ZFYVE26: variants seen among roughly 807,000 people sequenced by gnomAD.
ZFYVE26 encodes the protein zinc finger FYVE domain-containing protein 26.
ZFYVE26 carries 181 observed loss-of-function variants against 276.5 expected under a neutral mutation model. The ratio of observed to expected loss-of-function variants is 0.65; its 90% confidence interval spans 0.58 to 0.74. The LOEUF (loss-of-function observed/expected upper bound fraction) is 0.74, where lower values mean the gene tolerates loss of function less well. Among genes scored for constraint, ZFYVE26 ranks in the 30% least tolerant of loss-of-function variants. ZFYVE26 has a pLI of 0.00. For missense variants in ZFYVE26, 2,821 were observed against 3,097.9 expected, an observed-to-expected ratio of 0.91 and a Z score of 2.12; for synonymous variants, 1,129 against 1,203.1, an observed-to-expected ratio of 0.94 and a Z score of 1.27.
chr14:67,786,693 C>G (rs79862037), intron 16 of ZFYVE26, among the ~76,000 whole-genome samples: 6,945 of 152,306 alleles, frequency 0.046, 318 homozygotes, highest in African/African-American at 0.12. Context: ...ACAGTAGTCA[C>G]TAAATTAATT....
chr14:67,814,706 A>T (rs1176228631), intron 2 of ZFYVE26, among the ~76,000 whole-genome samples: 1 of 152,252 alleles, frequency 6.6e-6, no homozygotes, highest in African/African-American at 2.4e-5. Context: ...TGAATCAGAC[A>T]GTCTTAAAAA....
downstream of ZFYVE26, among the ~76,000 whole-genome samples, chr14:67,746,080 A>T (rs1028343166): frequency 2.6e-5 from 4 of 152,188 alleles, no homozygotes; most frequent in Non-Finnish European, 2.9e-5. Flanking sequence ...AGATGGCAAC[A>T]ACATAAAATG....
At chr14:67,797,471 G>A (rs2039977506) in intron 12 of ZFYVE26, 1 of 648,832 alleles carries the variant, frequency 1.5e-6, no homozygotes, top group South Asian at 1.7e-5. Flanking sequence ...ATATATAAAA[G>A]GATATACATG....
Position 67,807,761 on chromosome 14 carries a change from G to A in ZFYVE26, c.523C>T (p.Leu175=). ...CCAGTACCGTCATCCTCCTCAAGCA[G>A]GAGCTCCAGCAGGGCCTGTGCTGGC... is the stretch of plus-strand genomic sequence containing the variant. ...PQPAQALLEL[L]LEEDDGTGLC... Residue 175 remains leucine, a synonymous_variant, in exon 5 of 42, where the codon CTG becomes TTG. Transcript: ENST00000347230. 3 of 1,614,182 alleles carry A rather than the reference G, an allele frequency of 1.9e-6. No homozygotes were observed. Among genetic ancestry groups the A allele is most frequent in the Non-Finnish European group, 2.5e-6 (3 of 1,180,028 alleles).
In ZFYVE26 at chr14:67,780,157, T is replaced by A. The variant is rs2039458605; in HGVS notation, c.4674+84A>T. 4 of 1,228,792 alleles carry A rather than the reference T, an allele frequency of 3.3e-6. No individual in the cohort carries two copies. The Admixed American group carries it at 7.7e-5, about 24-fold the overall frequency. 76.1% of individuals were successfully genotyped at this position (1,228,792 alleles called of 1,614,324 possible). A position where few individuals can be genotyped will look rare whatever the true frequency, so the allele number is the denominator to read the frequency against. ...TTTTTTTAAAAAGTGAACATTGATA[T>A]GCAGAAAGGGGCTTATACAGCCAGC... On this transcript the variant is annotated intron_variant, in intron 23 of 41. Coordinates refer to ENST00000347230, the MANE Select transcript of ZFYVE26 (RefSeq NM_015346.4).
intron 33 of ZFYVE26, 119 bp downstream of exon 33, chr14:67,762,553 C>G: frequency 6.4e-7 from 1 of 1,567,464 alleles, no homozygotes; most frequent in Non-Finnish European, 8.7e-7. Flanking sequence ...CTAGTCATGT[C>G]CCCGATTCTA....
intron 12 of ZFYVE26, chr14:67,797,417 A>C (rs560283176): frequency 5.4e-5 from 29 of 534,410 alleles, no homozygotes; most frequent in African/African-American, 5.3e-4. Context: ...ATAAATGAAA[A>C]AAGCAAGCTG....
chr14:67,775,824 C>T, intron 26 of ZFYVE26, 36 bp downstream of exon 26: 1 of 1,613,824 alleles, frequency 6.2e-7, no homozygotes, highest in Non-Finnish European at 8.5e-7. Context: ...ATTTCTTCCT[C>T]CATGTAGAAT....
intron 29 of ZFYVE26, among the ~76,000 whole-genome samples, chr14:67,769,237 G>A (rs115136620): frequency 7.2e-5 from 11 of 152,324 alleles, no homozygotes; most frequent in African/African-American, 2.6e-4. Context: ...GTGTGAACAT[G>A]TCCATTTGAG....
chr14:67,814,720 A>T (rs1202570799), intron 2 of ZFYVE26, among the ~76,000 whole-genome samples: 1 of 152,208 alleles, frequency 6.6e-6, no homozygotes, highest in Non-Finnish European at 1.5e-5. Context: ...TTAAAAAAGG[A>T]ACTTCATACA....
chr14:67,777,035 TC>T (rs1367392262), intron 25 of ZFYVE26, among the ~76,000 whole-genome samples: 1 of 152,248 alleles, frequency 6.6e-6, no homozygotes, highest in Non-Finnish European at 1.5e-5. Flanking sequence ...AGAACTTATC[TC>T]ACCTAATTAC....
At chr14:67,755,860 A>G in intron 36 of ZFYVE26, 88 bp downstream of exon 36, 1 of 1,495,764 alleles carries the variant, frequency 6.7e-7, no homozygotes, top group Non-Finnish European at 9.3e-7. Flanking sequence ...GGGACCAATG[A>G]CAGTCTCATT....
chr14:67,809,381 T>G, intron 3 of ZFYVE26, 92 bp from the exon 4 acceptor site: 1 of 929,958 alleles, frequency 1.1e-6, no homozygotes, highest in Non-Finnish European at 1.7e-6. Context: ...TAGTCTTATT[T>G]CTGCTATTTC....
Position 67,809,377 on chromosome 14 carries a change from T to G in ZFYVE26, c.274-88A>C. The G allele has an allele frequency of 8.7e-6, 8 of 922,106 alleles. No homozygotes were observed. The South Asian group carries it at 1.2e-4, about 13-fold the overall frequency. 57.1% of individuals were successfully genotyped at this position (922,106 alleles called of 1,614,324 possible). A position where few individuals can be genotyped will look rare whatever the true frequency, so the allele number is the denominator to read the frequency against. ...TTAAATATTTCTGTCCAGTTAGTCTTATTTCTGCTATTTCTCTAAGATGAA... is the reference window on the plus strand; with the variant it reads ...TTAAATATTTCTGTCCAGTTAGTCTGATTTCTGCTATTTCTCTAAGATGAA... On this transcript the variant is annotated intron_variant, in intron 3 of 41. Transcript: ENST00000347230.
rs761049302 is a variant in ZFYVE26, at chr14:67,806,575, G to A, written c.987C>T (p.Ser329=). ...AWKVAYFYCL[S]NNKHFLEQIL... is the part of the protein sequence containing the mutation. ...TCTGCTCGAGGAAGTGTTTGTTGTTGCTCAGGCAGTAGAAATAGGCCACTT... is the reference window on the plus strand; with the variant it reads ...TCTGCTCGAGGAAGTGTTTGTTGTTACTCAGGCAGTAGAAATAGGCCACTT... Residue 329 remains serine (S), a synonymous_variant, in exon 6 of 42, where the codon AGC becomes AGT. Transcript: ENST00000347230. 97 of 1,614,112 alleles carry A rather than the reference G, an allele frequency of 6.0e-5. No homozygotes were observed. The Middle Eastern group carries it at 6.6e-4, about 11-fold the overall frequency.
rs754276951 is a variant in ZFYVE26, at chr14:67,754,199, G to A, written c.7000C>T (p.Leu2334Phe). ...CTGGTCACTTCCATCTGCAGCTGAA[G>A]TGTGTTCATGTGCCTGTGGTGACAG... Reference protein sequence around the residue: ...AADVSRHMNTLQLQMEVTRFL... With the variant: ...AADVSRHMNTFQLQMEVTRFL... The change falls in exon 38 of 42, where the codon CTT becomes TTT. Residue 2334 changes from leucine (L) to phenylalanine (F), a missense_variant. Coordinates refer to ENST00000347230, the MANE Select transcript of ZFYVE26 (RefSeq NM_015346.4). The A allele has an allele frequency of 6.2e-7, 1 of 1,614,254 alleles. No homozygotes were observed. The highest frequency in any genetic ancestry group is 8.5e-7 in the Non-Finnish European group (1 of 1,180,048).
chr14:67,748,044 C>CAGGGA lies in ZFYVE26; in HGVS notation c.*387_*391dup, dbSNP rs2038531169. Reference sequence around the variant, plus strand: ...ACAACCCGGGTCAAGAACCAAAACGCAGGGAAGGTTTTCAGAGTGGCAAGT... The same window carrying CAGGGA: ...ACAACCCGGGTCAAGAACCAAAACGCAGGGAAGGGAAGGTTTTCAGAGTGGCAAGT... On this transcript the variant is annotated 3_prime_UTR_variant, in exon 42 of 42. Coordinates refer to ENST00000347230, the MANE Select transcript of ZFYVE26 (RefSeq NM_015346.4). 4 of 248,028 alleles carry CAGGGA rather than the reference C, an allele frequency of 1.6e-5. No homozygotes were observed. The South Asian group carries it at 2.3e-4, about 15-fold the overall frequency. The allele number at this position is 248,028 out of a possible 1,614,324, so 15.4% of individuals were successfully genotyped here.
chr14:67,752,611 G>A (rs2038679250), intron 39 of ZFYVE26, 85 bp from the exon 40 acceptor site: 1 of 1,405,696 alleles, frequency 7.1e-7, no homozygotes, highest in African/African-American at 1.4e-5. Context: ...CTCTCACTAT[G>A]CTTGGTGTAG....
downstream of ZFYVE26, among the ~76,000 whole-genome samples, chr14:67,746,125 T>C (rs1366394062): frequency 1.3e-5 from 2 of 152,140 alleles, no homozygotes; most frequent in Non-Finnish European, 2.9e-5. Flanking sequence ...AATTGTGGTA[T>C]AGCTTCACAG....
Sources: gnomAD v4.1 joint callset for allele counts (sites outside exome capture counted in the v4.1 genomes callset) on GRCh38, gnomAD v4.1.1 for gene constraint, MANE v1.5 for transcripts, NCBI Gene and HGNC (gene_info 2026-07-23, HGNC 2026-07-21) for gene names.